The following CPED1 variants were observed in gnomAD, a reference collection of about 807,000 sequenced individuals.
CPED1 encodes the protein cadherin-like and PC-esterase domain-containing protein 1.
CPED1 carries 114 observed loss-of-function variants against 128.2 expected under a neutral mutation model. The ratio of observed to expected loss-of-function variants is 0.89; its 90% CI spans 0.76 to 1.04. CPED1 has a LOEUF of 1.04. Among genes scored for constraint, CPED1 ranks in the 50% least tolerant of loss-of-function variants. CPED1 has a pLI of 0.00. For synonymous variants in CPED1, 462 were observed against 426.7 expected, an observed-to-expected ratio of 1.08 and a Z score of -1.02; for missense variants, 1,211 against 1,207.1, an observed-to-expected ratio of 1.00 and a Z score of -0.05.
intron 18 of CPED1, among the ~76,000 whole-genome samples, chr7:121,257,155 C>T (rs1791900810): frequency 6.6e-6 from 1 of 151,972 alleles, no homozygotes; most frequent in Admixed American, 6.6e-5. Context: ...TATCTCAAAC[C>T]TCAGCATCAT....
At chr7:121,145,248 C>T (rs1229700884) in intron 16 of CPED1, among the ~76,000 whole-genome samples, 1 of 151,882 alleles carries the variant, frequency 6.6e-6, no homozygotes, top group Non-Finnish European at 1.5e-5. Context: ...ACACGTTTCT[C>T]CAATGTTGTA....
At chr7:121,187,578 A>C (rs1797032353) in intron 16 of CPED1, among the ~76,000 whole-genome samples, 1 of 152,118 alleles carries the variant, frequency 6.6e-6, no homozygotes, top group African/African-American at 2.4e-5. Flanking sequence ...ATAATCTCCA[A>C]AATTAAACTT....
chr7:121,245,775 C>A (rs1798512899), intron 18 of CPED1, among the ~76,000 whole-genome samples: 1 of 150,974 alleles, frequency 6.6e-6, no homozygotes, highest in Admixed American at 6.6e-5. Context: ...AATGCAACCT[C>A]CACCTCCTAG....
intron 16 of CPED1, among the ~76,000 whole-genome samples, chr7:121,164,505 C>G (rs761550376): frequency 6.6e-6 from 1 of 152,148 alleles, no homozygotes; most frequent in Non-Finnish European, 1.5e-5. Context: ...AAAACACAGA[C>G]TGCTGGCTTA....
intron 3 of CPED1, among the ~76,000 whole-genome samples, chr7:121,027,418 C>A (rs1792618732): frequency 6.6e-6 from 1 of 151,874 alleles, no homozygotes; most frequent in African/African-American, 2.4e-5. Context: ...AGTAGATACA[C>A]AATTAAATGT....
At position 121,116,991 on chromosome 7, in the gene CPED1, C is replaced by T. The variant is rs370987831; in HGVS notation, c.919-7340C>T. Among the ~76,000 whole-genome samples, 27 of 130,086 alleles carry T rather than the reference C, an allele frequency of 2.1e-4. 1 individual carries two copies. Among genetic ancestry groups the T allele is most frequent in the African/African-American group, 6.4e-4 (24 of 37,710 alleles). The allele number at this position is 130,086 out of a possible 152,430, so 85.3% of individuals were successfully genotyped here. A position where few individuals can be genotyped will look rare whatever the true frequency, so the allele number is the denominator to read the frequency against. ...ATATATATATATACACACACACACA[C>T]ATATATATACACACACACATATATA... On this transcript the variant is annotated intron_variant, in intron 7 of 22. Transcript: ENST00000310396.
chr7:121,065,156 C>T (rs938892220), intron 5 of CPED1, among the ~76,000 whole-genome samples: 10 of 152,242 alleles, frequency 6.6e-5, no homozygotes, highest in African/African-American at 1.7e-4. Context: ...CCACTCCAAA[C>T]GTAAACCACA....
chr7:121,259,482 T>G (rs772362945), intron 18 of CPED1, among the ~76,000 whole-genome samples: 1 of 151,982 alleles, frequency 6.6e-6, no homozygotes, highest in Non-Finnish European at 1.5e-5. Flanking sequence ...ATAGGTTTTG[T>G]GATATACAAT....
chr7:121,044,669 TGCTA>T (rs1585036333), intron 3 of CPED1, among the ~76,000 whole-genome samples: 18 of 137,830 alleles, frequency 1.3e-4, no homozygotes, highest in Non-Finnish European at 1.9e-4. Flanking sequence ...TTTTTTTTTT[TGCTA>T]TTTACTTTCA....
chr7:121,100,027 T>TGCG lies in CPED1; in HGVS notation c.852_854dup (p.Arg285dup). 6.2e-7 allele frequency: 1 copy of TGCG among 1,613,742 alleles called. No individual in the cohort carries two copies. Among genetic ancestry groups the TGCG allele is most frequent in the Non-Finnish European group, 8.5e-7 (1 of 1,179,798 alleles). On this transcript the variant is annotated inframe_insertion, in exon 7 of 23. Transcript: ENST00000310396. ...GTGTTGGTGACGTCCTTAACCCCTT[T>TGCG]GCGTGCATTCATTCATTCGACGGGC...
intron 18 of CPED1, among the ~76,000 whole-genome samples, chr7:121,247,369 A>G (rs1315985269): frequency 6.6e-6 from 1 of 152,190 alleles, no homozygotes; most frequent in African/African-American, 2.4e-5. Flanking sequence ...ATTTATTAAG[A>G]GTTTCAAGAC....
chr7:121,061,129 C>T (rs1793658978), intron 4 of CPED1: 2 of 256,596 alleles, frequency 7.8e-6, no homozygotes, highest in South Asian at 2.9e-4. Flanking sequence ...GTAACACTCA[C>T]TGTGAGGGTC....
chr7:121,199,494 A>G (rs1797340495), intron 16 of CPED1, among the ~76,000 whole-genome samples: 1 of 151,782 alleles, frequency 6.6e-6, no homozygotes, highest in African/African-American at 2.4e-5. Context: ...CCTGGCCAGC[A>G]TGGTGAAACC....
chr7:121,164,059 T>C (rs1796469766), intron 16 of CPED1, among the ~76,000 whole-genome samples: 1 of 152,234 alleles, frequency 6.6e-6, no homozygotes, highest in African/African-American at 2.4e-5. Context: ...TCTTCCACTA[T>C]TTGTGTGTTT....
In CPED1 at chr7:121,211,596, A is replaced by C. The variant is rs1288917976; in HGVS notation, c.2056-25118A>C. Among the ~76,000 whole-genome samples, 29 of 6,884 alleles carry C rather than the reference A, an allele frequency of 4.2e-3. No individual in the cohort carries two copies. In the South Asian group the frequency reaches 0.1, roughly 25 times the overall value. The allele number at this position is 6,884 out of a possible 152,430, so 4.5% of individuals were successfully genotyped here. ...TGACATATTCTGGAGATCAGCTTGA[A>C]CTATCACAGGGCTGTGGATTGTTGA... On this transcript the variant is annotated intron_variant, in intron 16 of 22. Coordinates refer to ENST00000310396, the MANE Select transcript of CPED1 (RefSeq NM_024913.5).
chr7:121,229,242 T>C (rs979137974), intron 16 of CPED1, among the ~76,000 whole-genome samples: 1 of 152,030 alleles, frequency 6.6e-6, no homozygotes, highest in Non-Finnish European at 1.5e-5. Context: ...CCTTCCCAAT[T>C]TGTGAATATG....
intron 22 of CPED1, among the ~76,000 whole-genome samples, chr7:121,291,554 T>C (rs1465417944): frequency 6.6e-6 from 1 of 152,168 alleles, no homozygotes; most frequent in Non-Finnish European, 1.5e-5. Context: ...TTTATTCTCT[T>C]TGTAGCAATT....
intron 18 of CPED1, among the ~76,000 whole-genome samples, chr7:121,254,217 A>C (rs1008340705): frequency 1.3e-5 from 2 of 152,062 alleles, no homozygotes; most frequent in African/African-American, 4.8e-5. Context: ...ACATTCTCAC[A>C]CCACAGTACA....
chr7:121,290,140 TC>T (rs1313951542), intron 22 of CPED1, among the ~76,000 whole-genome samples: 1 of 152,214 alleles, frequency 6.6e-6, no homozygotes, highest in East Asian at 1.9e-4. Flanking sequence ...ATGAAACTCA[TC>T]CTTTTTTATG....
Sources: allele counts gnomAD v4.1 joint callset (sites outside exome capture counted in the v4.1 genomes callset), GRCh38; gene constraint gnomAD v4.1.1; transcripts MANE v1.5; gene names NCBI Gene and HGNC (gene_info 2026-07-23, HGNC 2026-07-21).